The following LRP5 variants were observed in gnomAD, a reference collection of about 807,000 sequenced individuals.
LRP5 encodes the protein low-density lipoprotein receptor-related protein 5.
LRP5 carries 62 observed loss-of-function variants against 154.1 expected under a neutral mutation model. The ratio of observed to expected loss-of-function variants is 0.40; its 90% confidence interval spans 0.33 to 0.50. The LOEUF (loss-of-function observed/expected upper bound fraction) is 0.50. Among genes scored for constraint, LRP5 ranks in the 20% least tolerant of loss-of-function variants. The pLI is 0.55. For missense variants in LRP5, 1,915 were observed against 2,336.7 expected (o/e 0.82, Z 3.72); for synonymous variants, 966 against 1,011.5 (o/e 0.96, Z 0.85).
At chr11:68,304,582 C>A in the LRP5 span, among the ~76,000 whole-genome samples, 5 of 152,252 alleles carry the variant, frequency 3.3e-5, no homozygotes, top group Non-Finnish European at 7.3e-5. Flanking sequence ...GCAGCTTGCA[C>A]CCTGCACCTG....
At chr11:68,371,087 C>T (rs186428491) in intron 5 of LRP5, among the ~76,000 whole-genome samples, 123 of 152,242 alleles carry the variant, frequency 8.1e-4, no homozygotes, top group African/African-American at 2.7e-3. Flanking sequence ...CTGGCTCCTC[C>T]GTCTCCCTGC....
intron 1 of LRP5, among the ~76,000 whole-genome samples, chr11:68,314,447 G>C (rs1045022847): frequency 6.6e-6 from 1 of 152,232 alleles, no homozygotes. Flanking sequence ...GGAAGGAAAG[G>C]GAGGAATCTT....
At chr11:68,350,942 C>T (rs1328965125) in intron 2 of LRP5, among the ~76,000 whole-genome samples, 1 of 151,830 alleles carries the variant, frequency 6.6e-6, no homozygotes, top group Non-Finnish European at 1.5e-5. Flanking sequence ...ACGTGTGAGC[C>T]TGTGTGTGTC....
At chr11:68,314,389 C>T (rs1394937563) in intron 1 of LRP5, among the ~76,000 whole-genome samples, 1 of 152,120 alleles carries the variant, frequency 6.6e-6, no homozygotes, top group Non-Finnish European at 1.5e-5. Context: ...TAACATTAGG[C>T]AGCAAGGCCT....
intron 1 of LRP5, among the ~76,000 whole-genome samples, chr11:68,333,001 G>A (rs1565323123): frequency 1.3e-5 from 2 of 152,168 alleles, no homozygotes; most frequent in Non-Finnish European, 2.9e-5. Flanking sequence ...TAAATGTCAA[G>A]TCCCTCATTT....
At chr11:68,357,148 G>GA (rs1798418448) in intron 2 of LRP5, among the ~76,000 whole-genome samples, 1 of 152,076 alleles carries the variant, frequency 6.6e-6, no homozygotes, top group African/African-American at 2.4e-5. Context: ...TGTTAGCCAG[G>GA]ATGGTCTTGA....
intron 5 of LRP5, among the ~76,000 whole-genome samples, chr11:68,385,595 C>G (rs2098642553): frequency 6.6e-6 from 1 of 152,044 alleles, no homozygotes; most frequent in African/African-American, 2.4e-5. Flanking sequence ...CCTGTGTTGC[C>G]TGGTGTGTCA....
intron 8 of LRP5, among the ~76,000 whole-genome samples, chr11:68,406,115 T>C (rs1047373025): frequency 3.9e-5 from 6 of 152,142 alleles, no homozygotes; most frequent in African/African-American, 1.4e-4. Flanking sequence ...ATGGAGTGAG[T>C]TCGGACAGGT....
At chr11:68,339,796 C>T (rs312777) in intron 1 of LRP5, among the ~76,000 whole-genome samples, 4 of 152,032 alleles carry the variant, frequency 2.6e-5, no homozygotes, top group African/African-American at 4.8e-5. Flanking sequence ...TGTTAACATG[C>T]GTGTACCTGT....
At chr11:68,375,972 C>T (rs2098637105) in intron 5 of LRP5, among the ~76,000 whole-genome samples, 1 of 152,208 alleles carries the variant, frequency 6.6e-6, no homozygotes, top group Non-Finnish European at 1.5e-5. Flanking sequence ...CTGCTGATAG[C>T]CATCTTCTGT....
chr11:68,425,203 G>A lies in LRP5; in HGVS notation c.3338G>A (p.Arg1113His), dbSNP rs758155077. Residue 1113 changes from arginine to histidine, a missense_variant, in exon 15 of 23, where the codon CGC becomes CAC. Coordinates refer to ENST00000294304, the MANE Select transcript of LRP5 (RefSeq NM_002335.4). ...REVLFTTGLI[R>H]PVALVVDNTL... ...GTCCTCTTCACCACCGGCCTCATCC[G>A]CCCTGTGGCCCTGGTGGTGGACAAC... The A allele has an allele frequency of 3.7e-6, 6 of 1,613,390 alleles. No individual in the cohort carries two copies. Among genetic ancestry groups the A allele is most frequent in the South Asian group, 2.2e-5 (2 of 91,072 alleles).
At chr11:68,304,720 G>A in the LRP5 span, among the ~76,000 whole-genome samples, 173 of 152,372 alleles carry the variant, frequency 1.1e-3, 1 homozygote, top group Non-Finnish European at 2.0e-3. Context: ...CCCTGGCTAT[G>A]GGACATGGAG....
At chr11:68,422,407 C>T (rs1226861408) in intron 13 of LRP5, among the ~76,000 whole-genome samples, 3 of 152,198 alleles carry the variant, frequency 2.0e-5, no homozygotes, top group Admixed American at 6.5e-5. Context: ...GCCCCATTTG[C>T]CCCAGGCCAA....
chr11:68,437,842 G>A (rs1326874558), intron 19 of LRP5, among the ~76,000 whole-genome samples: 1 of 152,260 alleles, frequency 6.6e-6, no homozygotes, highest in Non-Finnish European at 1.5e-5. Context: ...AGCTGTGGGG[G>A]CGCTGTTGAT....
intron 1 of LRP5, among the ~76,000 whole-genome samples, chr11:68,342,953 G>T (rs1472860222): frequency 6.6e-6 from 1 of 152,232 alleles, no homozygotes; most frequent in Non-Finnish European, 1.5e-5. Flanking sequence ...CCCCCGCTGG[G>T]ACCTCCAGCT....
Position 68,443,575 on chromosome 11 carries a change from ATATATATATATTTT to A in LRP5, c.4489-2859_4489-2846del, listed in dbSNP as rs1257337067. 1.6e-3 allele frequency among the ~76,000 whole-genome samples: 65 copies of A among 41,370 alleles called. 3 individuals are homozygous for A. Among genetic ancestry groups the A allele is most frequent in the South Asian group, 3.7e-3 (5 of 1,334 alleles). 27.1% of individuals were successfully genotyped at this position (41,370 alleles called of 152,430 possible). A position where few individuals can be genotyped will look rare whatever the true frequency, so the allele number is the denominator to read the frequency against. On this transcript the variant is annotated intron_variant, in intron 21 of 22. Coordinates refer to ENST00000294304, the MANE Select transcript of LRP5 (RefSeq NM_002335.4). ...TATATATATATATATATATATATATATATATATATATTTTTTTTTTTTTTGGTTATGTTCAGAAA... is the reference window on the plus strand; with the variant it reads ...TATATATATATATATATATATATATATTTTTTTTTTGGTTATGTTCAGAAA...
chr11:68,325,705 C>T (rs2098599266), intron 1 of LRP5, among the ~76,000 whole-genome samples: 2 of 152,222 alleles, frequency 1.3e-5, no homozygotes, highest in African/African-American at 4.8e-5. Flanking sequence ...GAAGCCCATG[C>T]AGGCCCCCCT....
intron 5 of LRP5, among the ~76,000 whole-genome samples, chr11:68,384,752 G>A (rs1445126262): frequency 3.9e-5 from 6 of 152,154 alleles, no homozygotes; most frequent in South Asian, 4.1e-4. Flanking sequence ...GGTGGGCCAC[G>A]GGGGTTCAGA....
chr11:68,428,008 T>C (rs1439037591), intron 16 of LRP5, among the ~76,000 whole-genome samples: 1 of 150,504 alleles, frequency 6.6e-6, no homozygotes, highest in Non-Finnish European at 1.5e-5. Flanking sequence ...TATTTATTTA[T>C]TGAGATGGAG....
Sources: allele counts gnomAD v4.1 joint callset (sites outside exome capture counted in the v4.1 genomes callset), GRCh38; gene constraint gnomAD v4.1.1; transcripts MANE v1.5; gene names NCBI Gene and HGNC (gene_info 2026-07-23, HGNC 2026-07-21).